Variants in MVD observed in about 807,000 individuals in gnomAD.
MVD encodes the protein diphosphomevalonate decarboxylase.
In MVD, 52 loss-of-function variants were observed where a neutral mutation model predicts 42.4. That is an observed-to-expected ratio of 1.23 (90% CI 0.98 to 1.55). The LOEUF (loss-of-function observed/expected upper bound fraction) is 1.55, where lower values mean the gene tolerates loss of function less well. Among genes scored for constraint, MVD ranks in the 40% most tolerant of loss-of-function variants. The probability of loss-of-function intolerance (pLI) is 0.00; values close to 1 mark genes in which losing one functional copy is unlikely to be tolerated. For synonymous variants in MVD, 287 were observed against 243.2 expected (o/e 1.18, Z -1.68); for missense variants, 663 against 572.1 (o/e 1.16, Z -1.62).
intron 5 of MVD, 126 bp downstream of exon 5, chr16:88,655,979 C>T: frequency 7.5e-7 from 1 of 1,328,782 alleles, no homozygotes; most frequent in African/African-American, 1.5e-5. Flanking sequence ...TCTGTTCCTT[C>T]AGCCCCCGCT....
chr16:88,656,655 G>C (rs1422861471), intron 4 of MVD: 2 of 392,842 alleles, frequency 5.1e-6, no homozygotes, highest in Admixed American at 7.4e-5. Flanking sequence ...TTTTAAGGCT[G>C]TGTGGGGCAG....
chr16:88,658,127 C>A lies in MVD; in HGVS notation c.142-98G>T. 3.2e-6 allele frequency: 4 copies of A among 1,235,652 alleles called. No homozygotes were observed. In the South Asian group the frequency reaches 5.1e-5, roughly 16 times the overall value. The allele number at this position is 1,235,652 out of a possible 1,614,324, so 76.5% of individuals were successfully genotyped here. ...TGAGAGAGCCTCATGGCTGCCCACT[C>A]GAGCAAGGTCAGCCCTGCTGAGGGC... is the stretch of plus-strand genomic sequence containing the variant. On this transcript the variant is annotated intron_variant, in intron 2 of 9. Transcript: ENST00000301012.
chr16:88,655,741 G>C lies in MVD; in HGVS notation c.604-11C>G. ...CTTCTCAGCGCTCACCTGCACGAGG[G>C]AGAGACAGCCTGGGCCACACCCTGC... is the stretch of plus-strand genomic sequence containing the variant. On this transcript the variant is annotated splice_polypyrimidine_tract_variant and intron_variant, in intron 5 of 9. Coordinates refer to ENST00000301012, the MANE Select transcript of MVD (RefSeq NM_002461.3). 2 of 1,553,222 alleles carry C rather than the reference G, an allele frequency of 1.3e-6. No individual in the cohort carries two copies. Among genetic ancestry groups the C allele is most frequent in the Non-Finnish European group, 1.7e-6 (2 of 1,148,898 alleles).
intron 8 of MVD, among the ~76,000 whole-genome samples, chr16:88,653,746 A>C (rs1481333908): frequency 1.3e-5 from 2 of 152,114 alleles, no homozygotes; most frequent in Non-Finnish European, 2.9e-5. Flanking sequence ...GCCAAGCCCC[A>C]TGGGGTAACA....
At chr16:88,654,987 A>G in intron 7 of MVD, 180 bp from the exon 8 acceptor site, 1 of 849,096 alleles carries the variant, frequency 1.2e-6, no homozygotes, top group Non-Finnish European at 1.8e-6. Context: ...CTGTGAACCC[A>G]GGAAGAAGGT....
At chr16:88,661,601 G>A (rs1908295920) in intron 1 of MVD, among the ~76,000 whole-genome samples, 2 of 152,042 alleles carry the variant, frequency 1.3e-5, no homozygotes, top group South Asian at 2.1e-4. Flanking sequence ...AGAATATGAA[G>A]AGAGATTTCA....
chr16:88,662,777 C>A (rs1011883064), intron 1 of MVD: 18 of 1,483,364 alleles, frequency 1.2e-5, no homozygotes, highest in Non-Finnish European at 1.6e-5. Context: ...AGGCGCCGGG[C>A]GACCCTGCAG....
chr16:88,655,832 G>T (rs1907887409), intron 5 of MVD, 102 bp from the exon 6 acceptor site: 1 of 1,391,826 alleles, frequency 7.2e-7, no homozygotes, highest in Non-Finnish European at 9.8e-7. Flanking sequence ...GCAGGCAGCG[G>T]GGGTGGGAGT....
chr16:88,662,858 A>G (rs1171707414), intron 1 of MVD, 153 bp downstream of exon 1: 1 of 1,436,276 alleles, frequency 7.0e-7, no homozygotes, highest in East Asian at 2.9e-5. Context: ...GCCCCGCCCG[A>G]CCACCGCCGC....
At position 88,652,229 on chromosome 16, in the gene MVD, G is replaced by A. The variant is rs1349098770; in HGVS notation, c.*296C>T. ...AACTGGGCATAGCCAGAGCTGGGGTGAGAAAGCCCTTCAGCCCTGCTGCAC... is the reference window on the plus strand; with the variant it reads ...AACTGGGCATAGCCAGAGCTGGGGTAAGAAAGCCCTTCAGCCCTGCTGCAC... On this transcript the variant is annotated 3_prime_UTR_variant, in exon 10 of 10. Transcript: ENST00000301012. The A allele has an allele frequency of 1.9e-6, 1 of 539,184 alleles. No homozygotes were observed. Among genetic ancestry groups the A allele is most frequent in the Non-Finnish European group, 3.4e-6 (1 of 297,578 alleles). 33.4% of individuals were successfully genotyped at this position (539,184 alleles called of 1,614,324 possible).
chr16:88,658,227 G>C (rs1432182130), intron 2 of MVD, among the ~76,000 whole-genome samples, 198 bp from the exon 3 acceptor site: 3 of 152,160 alleles, frequency 2.0e-5, no homozygotes, highest in African/African-American at 7.2e-5. Flanking sequence ...ACACCTTGTG[G>C]AGCAACCAGG....
Position 88,652,065 on chromosome 16 carries a change from C to G in MVD, c.*460G>C, listed in dbSNP as rs560249271. 4.3e-5 allele frequency: 9 copies of G among 210,560 alleles called. No individual in the cohort carries two copies. The South Asian group carries it at 5.0e-4, about 12-fold the overall frequency. The allele number at this position is 210,560 out of a possible 1,614,324, so 13.0% of individuals were successfully genotyped here. A position where few individuals can be genotyped will look rare whatever the true frequency, so the allele number is the denominator to read the frequency against. ...GAGACACCTGGGCCGGGGGCAGGGT[C>G]TCAGCAGAAGCGCCGTGGGCAGCCA... On this transcript the variant is annotated 3_prime_UTR_variant, in exon 10 of 10. Transcript: ENST00000301012.
rs1908400216 is a variant in MVD at position 88,662,877 on chromosome 16, C to G, written c.70+134G>C. ...CGCCCGACCACCGCCGCGCCCCTCC[C>G]TGAGCCTCAGTTTCCCCGTCTGTCG... On this transcript the variant is annotated intron_variant, in intron 1 of 9. Coordinates refer to ENST00000301012, the MANE Select transcript of MVD (RefSeq NM_002461.3). 3.4e-6 allele frequency: 5 copies of G among 1,469,382 alleles called. No individual in the cohort carries two copies. In the African/African-American group the frequency reaches 5.9e-5, roughly 17 times the overall value. The allele number at this position is 1,469,382 out of a possible 1,614,324, so 91.0% of individuals were successfully genotyped here.
Position 88,663,061 on chromosome 16 carries a change from A to G in MVD, c.20T>C (p.Leu7Pro), listed in dbSNP as rs1567619842. Residue 7 changes from leucine to proline, a missense_variant, in exon 1 of 10, where the codon CTG becomes CCG. Transcript: ENST00000301012. MASEKP[L>P]AAVTCTAPVN... is the part of the protein sequence containing the mutation. ...CGGCGCTGTACAAGTGACTGCCGCC[A>G]GCGGCTTCTCCGAGGCCATGGTCCC... 1.2e-6 allele frequency: 2 copies of G among 1,610,000 alleles called. No homozygotes were observed. The highest frequency in any genetic ancestry group is 1.7e-6 in the Non-Finnish European group (2 of 1,178,912).
At chr16:88,654,670 G>A (rs764463785) in intron 8 of MVD, 22 bp downstream of exon 8, 3 of 1,580,390 alleles carry the variant, frequency 1.9e-6, no homozygotes, top group East Asian at 4.7e-5. Flanking sequence ...CAAAAAGGAG[G>A]AGGGGCGGGG....
Position 88,655,289 on chromosome 16 carries a change from G to T in MVD, c.807C>A (p.Asp269Glu). ...TGAGGTAAGAGATGGGCGGGAAGGTGTCGAGGCAGGTGGCGTGGAACTGGT... is the reference window on the plus strand; with the variant it reads ...TGAGGTAAGAGATGGGCGGGAAGGTTTCGAGGCAGGTGGCGTGGAACTGGT... The part of the protein sequence containing the change: ...DSNQFHATCL[D>E]TFPPISYLNA... The change falls in exon 7 of 10, where the codon GAC becomes GAA. Residue 269 changes from aspartate to glutamate, a missense_variant. Transcript: ENST00000301012. 6.3e-7 allele frequency: 1 copy of T among 1,593,062 alleles called. No homozygotes were observed.
intron 1 of MVD, chr16:88,662,179 A>C (rs1908345148): frequency 6.6e-6 from 1 of 152,118 alleles, no homozygotes; most frequent in Non-Finnish European, 1.5e-5. Context: ...TGGAAAGAAA[A>C]GAAAGAAAGA....
rs1908114006 is a variant in MVD at position 88,658,860 on chromosome 16, C to T, written c.71-140G>A. 1.6e-5 allele frequency: 11 copies of T among 695,816 alleles called. No individual in the cohort carries two copies. The South Asian group carries it at 1.7e-4, about 11-fold the overall frequency. 43.1% of individuals were successfully genotyped at this position (695,816 alleles called of 1,614,324 possible). A position where few individuals can be genotyped will look rare whatever the true frequency, so the allele number is the denominator to read the frequency against. On this transcript the variant is annotated intron_variant, in intron 1 of 9. Transcript: ENST00000301012. ...CTCACCGCACAACCTGTGTGCCCCT[C>T]CTCCTGCCAGACCCCGGCCTGCAAG...
In MVD at chr16:88,662,752, T is replaced by G. The variant is rs2142918220; in HGVS notation, c.70+259A>C. ...ATGATTGATGATTTCGATAGTTCGG[T>G]AATCGCTAATGGGCAGGCGCCGGGC... On this transcript the variant is annotated intron_variant, in intron 1 of 9. Coordinates refer to ENST00000301012, the MANE Select transcript of MVD (RefSeq NM_002461.3). 2.0e-6 allele frequency: 3 copies of G among 1,479,112 alleles called. No individual in the cohort carries two copies. The Admixed American group carries it at 6.6e-5, about 33-fold the overall frequency. 91.6% of individuals were successfully genotyped at this position (1,479,112 alleles called of 1,614,324 possible). A position where few individuals can be genotyped will look rare whatever the true frequency, so the allele number is the denominator to read the frequency against.
Sources: allele counts gnomAD v4.1 joint callset (sites outside exome capture counted in the v4.1 genomes callset), GRCh38; gene constraint gnomAD v4.1.1; transcripts MANE v1.5; gene names NCBI Gene and HGNC (gene_info 2026-07-23, HGNC 2026-07-21).